The following DCAF6 variants were observed in gnomAD, a reference collection of about 807,000 sequenced individuals.
The protein encoded by DCAF6 is DDB1- and CUL4-associated factor 6.
DCAF6 carries 54 observed loss-of-function variants against 125.1 expected under a neutral mutation model. The ratio of observed to expected loss-of-function variants is 0.43; its 90% CI spans 0.35 to 0.54. The LOEUF (loss-of-function observed/expected upper bound fraction) is 0.54. DCAF6 is among the 20% of genes least tolerant of loss of function. The probability of loss-of-function intolerance (pLI) is 0.01; values close to 1 mark genes in which losing one functional copy is unlikely to be tolerated. For synonymous variants in DCAF6, 371 were observed against 390.4 expected, an observed-to-expected ratio of 0.95 and a Z score of 0.58; for missense variants, 934 against 1,161.7, an observed-to-expected ratio of 0.80 and a Z score of 2.85.
At chr1:167,870,272 TG>T in the DCAF6 span, 12 of 1,613,992 alleles carry the variant, frequency 7.4e-6, no homozygotes, top group Non-Finnish European at 1.0e-5. Flanking sequence ...ATTCTTACCT[TG>T]GGCCAGGTAC....
chr1:167,925,472 T>C, the DCAF6 span, among the ~76,000 whole-genome samples: 61 of 102,040 alleles, frequency 6.0e-4, 1 homozygote, highest in African/African-American at 2.3e-3. Flanking sequence ...TATATATATA[T>C]ATACATATAC....
At chr1:167,875,825 T>C in the DCAF6 span, among the ~76,000 whole-genome samples, 1 of 152,120 alleles carries the variant, frequency 6.6e-6, no homozygotes, top group Admixed American at 6.5e-5. Flanking sequence ...TGGTGGCGGT[T>C]GCCTGTAGTC....
chr1:167,906,641 T>C, the DCAF6 span, among the ~76,000 whole-genome samples: 5 of 143,890 alleles, frequency 3.5e-5, no homozygotes, highest in African/African-American at 1.3e-4. Flanking sequence ...AAAAAAAAAA[T>C]TGCTGGGTGT....
intron 12 of DCAF6, among the ~76,000 whole-genome samples, chr1:168,030,818 T>C (rs1282491583): frequency 6.6e-6 from 1 of 152,234 alleles, no homozygotes; most frequent in Non-Finnish European, 1.5e-5. Flanking sequence ...TATACATTTA[T>C]TTATAGTGCT....
At chr1:167,953,695 G>A (rs966169183) in intron 2 of DCAF6, among the ~76,000 whole-genome samples, 2 of 152,084 alleles carry the variant, frequency 1.3e-5, no homozygotes, top group African/African-American at 2.4e-5. Flanking sequence ...CGTCTCCCGG[G>A]TTCAAGCAGT....
At position 168,002,489 on chromosome 1, in the gene DCAF6, AACC is replaced by A; in HGVS notation, c.916_918del (p.Pro306del). 1 of 1,612,896 alleles carries A rather than the reference AACC, an allele frequency of 6.2e-7. No individual in the cohort carries two copies. Among genetic ancestry groups the A allele is most frequent in the Non-Finnish European group, 8.5e-7 (1 of 1,179,096 alleles). On this transcript the variant is annotated inframe_deletion, in exon 8 of 22. Transcript: ENST00000367840. The stretch of plus-strand genomic sequence containing the variant: ...CCCGTTCTTATTTTTTAGTTGCGAC[AACC>A]ACCAGTTAAGCGTTTGAGACTTCGT...
chr1:167,918,178 C>A, the DCAF6 span: 1 of 583,470 alleles, frequency 1.7e-6, no homozygotes. Context: ...AAGTTTGCTG[C>A]ATTTTTCTAT....
At chr1:168,068,218 G>A (rs189371287) in intron 20 of DCAF6, 140 bp from the exon 21 acceptor site, 224 of 472,210 alleles carry the variant, frequency 4.7e-4, no homozygotes, top group Non-Finnish European at 7.4e-4. Context: ...TAGACTTAAG[G>A]CAGAAATATA....
the DCAF6 span, among the ~76,000 whole-genome samples, chr1:167,866,880 G>C: frequency 6.6e-6 from 1 of 152,096 alleles, no homozygotes; most frequent in Non-Finnish European, 1.5e-5. Context: ...GTTTCCAAAG[G>C]CTGGCCCCCA....
chr1:167,914,421 A>C, the DCAF6 span, among the ~76,000 whole-genome samples: 2 of 152,252 alleles, frequency 1.3e-5, no homozygotes, highest in African/African-American at 4.8e-5. Flanking sequence ...AAGTATCTCC[A>C]GAGCAAGCAA....
chr1:168,033,846 C>T (rs1056940258), intron 12 of DCAF6, among the ~76,000 whole-genome samples: 1 of 152,146 alleles, frequency 6.6e-6, no homozygotes, highest in Non-Finnish European at 1.5e-5. Context: ...AATATAGAAT[C>T]GCTATCTAAA....
chr1:168,033,223 T>C (rs935394033), intron 12 of DCAF6, among the ~76,000 whole-genome samples: 2 of 152,160 alleles, frequency 1.3e-5, no homozygotes, highest in Non-Finnish European at 2.9e-5. Context: ...GCTTTCAAAT[T>C]ATATTTCAGC....
intron 11 of DCAF6, among the ~76,000 whole-genome samples, chr1:168,018,414 G>A (rs917802010): frequency 6.6e-6 from 1 of 152,082 alleles, no homozygotes; most frequent in Non-Finnish European, 1.5e-5. Context: ...TCAGTCTTAT[G>A]TGGAAATTCC....
In DCAF6 at chr1:167,974,977, C is replaced by A. The variant is rs767007303; in HGVS notation, c.400C>A (p.Gln134Lys). 1 of 1,604,932 alleles carries A rather than the reference C, an allele frequency of 6.2e-7. No individual in the cohort carries two copies. Among genetic ancestry groups the A allele is most frequent in the Non-Finnish European group, 8.5e-7 (1 of 1,176,466 alleles). ...TGAGCAAGATGCAGAAACCAACAGA[C>A]AATGCCAATTTACGTGTCATTATGG... ...NVEQDAETNRQCQFTCHYGTT... is the reference protein window; with the variant it reads ...NVEQDAETNRKCQFTCHYGTT... The change falls in exon 4 of 22, where the codon CAA becomes AAA. Residue 134 changes from glutamine to lysine, a missense_variant. Gln to Lys is a moderately conservative substitution (Grantham distance 53). This residue lies in a region of DCAF6 where 309 missense variants were observed against 381.2 expected (regional missense o/e 0.81). Transcript: ENST00000367840.
the DCAF6 span, among the ~76,000 whole-genome samples, chr1:167,922,826 T>C: frequency 6.6e-6 from 1 of 152,136 alleles, no homozygotes; most frequent in Non-Finnish European, 1.5e-5. Flanking sequence ...TTAAGAGAAT[T>C]ACAACAGCCC....
chr1:167,996,098 T>C (rs1470186609), intron 7 of DCAF6, among the ~76,000 whole-genome samples: 1 of 152,244 alleles, frequency 6.6e-6, no homozygotes, highest in Non-Finnish European at 1.5e-5. Flanking sequence ...TGTATGATTT[T>C]GTCTTATGTT....
intron 13 of DCAF6, among the ~76,000 whole-genome samples, chr1:168,039,807 T>C (rs1012948411): frequency 3.3e-5 from 5 of 150,802 alleles, no homozygotes; most frequent in Non-Finnish European, 7.4e-5. Flanking sequence ...TATGTGATAT[T>C]ACTTTTATTT....
chr1:168,042,488 C>T (rs1314891596), intron 13 of DCAF6, among the ~76,000 whole-genome samples: 1 of 151,822 alleles, frequency 6.6e-6, no homozygotes, highest in Non-Finnish European at 1.5e-5. Context: ...ATTACCCTGT[C>T]CTTCTACAGA....
chr1:168,002,224 A>G lies in DCAF6; in HGVS notation c.904-258A>G, dbSNP rs146049067. ...AGGTGGGATTAGAAATCACATATAC[A>G]TGATTTCAAAGTTGCATTCAGGCTC... is the stretch of plus-strand genomic sequence containing the variant. On this transcript the variant is annotated intron_variant, in intron 7 of 21. Coordinates refer to ENST00000367840, the MANE Select transcript of DCAF6 (RefSeq NM_001198956.2). Among the ~76,000 whole-genome samples, 21 of 152,316 alleles carry G rather than the reference A, an allele frequency of 1.4e-4. No individual in the cohort carries two copies. The East Asian group carries it at 2.9e-3, about 21-fold the overall frequency.
Sources: gnomAD v4.1 joint callset for allele counts (sites outside exome capture counted in the v4.1 genomes callset) on GRCh38, gnomAD v4.1.1 for gene constraint, gnomAD v4.1.1 regional missense constraint, MANE v1.5 for transcripts, NCBI Gene and HGNC (gene_info 2026-07-23, HGNC 2026-07-21) for gene names.